GNB1: variants seen among roughly 807,000 people sequenced by gnomAD.
GNB1 encodes the protein G protein subunit beta 1.
In GNB1, 2 loss-of-function variants were observed where a neutral mutation model predicts 42.9. The observed-to-expected ratio is 0.05, with a 90% confidence interval of 0.02 to 0.15. GNB1 has a LOEUF of 0.15. Ranked by LOEUF, GNB1 falls within the 10% of genes least tolerant of loss-of-function variation. The pLI is 1.00. For missense variants in GNB1, 193 were observed against 462.2 expected (o/e 0.42, Z 5.34); for synonymous variants, 183 against 174.7 (o/e 1.05, Z -0.38).
intron 5 of GNB1, among the ~76,000 whole-genome samples, chr1:1,811,736 C>T (rs545072911): frequency 3.0e-4 from 45 of 150,942 alleles, no homozygotes; most frequent in Non-Finnish European, 4.7e-4. Flanking sequence ...CTACTGTTTC[C>T]GAGTGTCCAT....
intron 7 of GNB1, among the ~76,000 whole-genome samples, chr1:1,794,661 C>A (rs1646523522): frequency 6.6e-6 from 1 of 152,176 alleles, no homozygotes; most frequent in Admixed American, 6.5e-5. Context: ...TGTAAGATTA[C>A]AGAGAAAACA....
chr1:1,787,549 G>C lies in GNB1; in HGVS notation c.917-112C>G. 1.6e-6 allele frequency: 1 copy of C among 628,118 alleles called. No homozygotes were observed. Among genetic ancestry groups the C allele is most frequent in the Non-Finnish European group, 2.8e-6 (1 of 359,892 alleles). The allele number at this position is 628,118 out of a possible 1,614,324, so 38.9% of individuals were successfully genotyped here. On this transcript the variant is annotated intron_variant, in intron 10 of 11. Transcript: ENST00000378609. The surrounding 1 kb of genome is among the most constrained non-coding windows in gnomAD (Gnocchi z 4.4). ...CATCTCTCATGGGACAAGACCCAGA[G>C]TCTCCCACGGCCAGGAAGGGAGGGA...
intron 2 of GNB1, among the ~76,000 whole-genome samples, chr1:1,838,476 G>C (rs908725946): frequency 2.1e-5 from 3 of 144,672 alleles, no homozygotes; most frequent in Non-Finnish European, 4.5e-5. Context: ...ACGGAGTCTC[G>C]CTCTGTCCCA....
chr1:1,798,781 C>T (rs1646581402), intron 7 of GNB1, among the ~76,000 whole-genome samples: 1 of 152,206 alleles, frequency 6.6e-6, no homozygotes, highest in Admixed American at 6.5e-5. Flanking sequence ...CAGCTCACTG[C>T]AACCTTGCCT....
intron 1 of GNB1, among the ~76,000 whole-genome samples, chr1:1,889,223 T>C (rs970808893): frequency 6.6e-6 from 1 of 152,212 alleles, no homozygotes; most frequent in African/African-American, 2.4e-5. Flanking sequence ...AATACGTCCA[T>C]TTGCTAATCA....
Position 1,815,738 on chromosome 1 carries a change from G to C in GNB1, c.203+18C>G. ...CCCTGAATGTAACAAGCAGCATCCT[G>C]CTCATGCCCACGCCTACCTGGAGTC... On this transcript the variant is annotated intron_variant, in intron 5 of 11. Coordinates refer to ENST00000378609, the MANE Select transcript of GNB1 (RefSeq NM_002074.5). 1 of 1,341,022 alleles carries C rather than the reference G, an allele frequency of 7.5e-7. No homozygotes were observed. The highest frequency in any genetic ancestry group is 1.1e-6 in the Non-Finnish European group (1 of 930,984). The allele number at this position is 1,341,022 out of a possible 1,614,324, so 83.1% of individuals were successfully genotyped here. A position where few individuals can be genotyped will look rare whatever the true frequency, so the allele number is the denominator to read the frequency against.
rs144269011 is a variant in GNB1, at chr1:1,832,487, TGAGA to T, written c.-47+6699_-47+6702del. On this transcript the variant is annotated intron_variant, in intron 2 of 11. Coordinates refer to ENST00000378609, the MANE Select transcript of GNB1 (RefSeq NM_002074.5). The stretch of plus-strand genomic sequence containing the variant: ...AGAATCTGAGTTTTGGAAATCCTTT[TGAGA>T]GAGATTTGAATAACTTAAAAGCAAG... Among the ~76,000 whole-genome samples, 512 of 152,352 alleles carry T rather than the reference TGAGA, an allele frequency of 3.4e-3. 12 individuals are homozygous for T. In the East Asian group the frequency reaches 0.063, roughly 19 times the overall value.
chr1:1,803,442 C>T (rs147626430), intron 7 of GNB1, among the ~76,000 whole-genome samples: 35 of 152,256 alleles, frequency 2.3e-4, no homozygotes, highest in Admixed American at 3.3e-4. Flanking sequence ...TGCCACTGTG[C>T]GTGGCTGTTT....
At chr1:1,855,489 C>T (rs1648234148) in intron 1 of GNB1, among the ~76,000 whole-genome samples, 1 of 152,016 alleles carries the variant, frequency 6.6e-6, no homozygotes, top group African/African-American at 2.4e-5. Flanking sequence ...ATCACAAGGT[C>T]AGGAGATCAA....
At chr1:1,876,084 G>C (rs192065236) in intron 1 of GNB1, among the ~76,000 whole-genome samples, 1 of 152,302 alleles carries the variant, frequency 6.6e-6, no homozygotes, top group African/African-American at 2.4e-5. Flanking sequence ...AAGAAAGGAA[G>C]TGTCCTCCCT....
chr1:1,874,818 C>G (rs896266114), intron 1 of GNB1, among the ~76,000 whole-genome samples: 4 of 151,754 alleles, frequency 2.6e-5, no homozygotes, highest in Admixed American at 6.6e-5. Flanking sequence ...AAAAAAGTGC[C>G]TCCTGAGCTT....
At chr1:1,860,138 G>A (rs1648540861) in intron 1 of GNB1, among the ~76,000 whole-genome samples, 1 of 152,198 alleles carries the variant, frequency 6.6e-6, no homozygotes, top group Non-Finnish European at 1.5e-5. Context: ...CAACATGGAT[G>A]CAGCTGGAAG....
chr1:1,841,002 C>G (rs769355650), intron 1 of GNB1, among the ~76,000 whole-genome samples: 8 of 152,286 alleles, frequency 5.3e-5, no homozygotes, highest in Non-Finnish European at 1.0e-4. Context: ...AGTGATTCTC[C>G]TGCCTCAGCC....
At chr1:1,849,974 C>CT (rs897799890) in intron 1 of GNB1, among the ~76,000 whole-genome samples, 7 of 148,048 alleles carry the variant, frequency 4.7e-5, no homozygotes, top group Admixed American at 1.3e-4. Context: ...CTACTCAACA[C>CT]TTTTTTTTTG....
intron 7 of GNB1, among the ~76,000 whole-genome samples, chr1:1,795,957 A>G (rs1209751603): frequency 6.6e-6 from 1 of 152,178 alleles, no homozygotes; most frequent in African/African-American, 2.4e-5. Context: ...AAGGGGAATG[A>G]CCGAATGTAT....
At chr1:1,857,535 G>A (rs1183142117) in intron 1 of GNB1, among the ~76,000 whole-genome samples, 1 of 152,128 alleles carries the variant, frequency 6.6e-6, no homozygotes, top group Non-Finnish European at 1.5e-5. Flanking sequence ...GAACTGGGGA[G>A]GATACAGCAA....
At chr1:1,813,636 G>A (rs1446768100) in intron 5 of GNB1, among the ~76,000 whole-genome samples, 1 of 152,040 alleles carries the variant, frequency 6.6e-6, no homozygotes, top group African/African-American at 2.4e-5. Flanking sequence ...GACTCCAGGT[G>A]CGCACCACAA....
chr1:1,816,187 G>A (rs1473492922), intron 4 of GNB1, among the ~76,000 whole-genome samples: 1 of 152,088 alleles, frequency 6.6e-6, no homozygotes, highest in Non-Finnish European at 1.5e-5. Context: ...CTCCTCCTAG[G>A]TCTCTGAGTT....
At chr1:1,868,848 C>T (rs1386229387) in intron 1 of GNB1, among the ~76,000 whole-genome samples, 1 of 151,666 alleles carries the variant, frequency 6.6e-6, no homozygotes, top group African/African-American at 2.4e-5. Flanking sequence ...GTGTATTTGC[C>T]TAAGAACTCA....
Sources: allele counts gnomAD v4.1 joint callset (sites outside exome capture counted in the v4.1 genomes callset), GRCh38; gene constraint gnomAD v4.1.1; non-coding constraint Gnocchi (gnomAD v3.1); transcripts MANE v1.5; gene names NCBI Gene and HGNC (gene_info 2026-07-23, HGNC 2026-07-21).